The following SCFD2 variants were observed in gnomAD, a reference collection of about 807,000 sequenced individuals.
SCFD2 encodes the protein sec1 family domain-containing protein 2.
SCFD2 carries 54 observed loss-of-function variants against 58.9 expected under a neutral mutation model. The observed-to-expected ratio is 0.92, with a 90% CI of 0.74 to 1.15. SCFD2 has a LOEUF of 1.15. SCFD2 is among the 50% of genes most tolerant of loss of function. SCFD2 has a pLI of 0.00. For synonymous variants in SCFD2, 321 were observed against 335.9 expected, an observed-to-expected ratio of 0.96 and a Z score of 0.49; for missense variants, 805 against 836.6, an observed-to-expected ratio of 0.96 and a Z score of 0.47.
chr4:53,223,047 A>G (rs1222497494), intron 4 of SCFD2, among the ~76,000 whole-genome samples: 1 of 152,212 alleles, frequency 6.6e-6, no homozygotes, highest in Non-Finnish European at 1.5e-5. Flanking sequence ...AATGGAGCTA[A>G]TAAGCTCAAC....
intron 5 of SCFD2, among the ~76,000 whole-genome samples, chr4:53,126,800 G>C (rs1328609154): frequency 6.6e-6 from 1 of 152,108 alleles, no homozygotes; most frequent in Non-Finnish European, 1.5e-5. Flanking sequence ...TCGGCAGAGA[G>C]CTCTCCTCTT....
chr4:53,311,322 C>A (rs1329549335), intron 3 of SCFD2, among the ~76,000 whole-genome samples: 2 of 152,054 alleles, frequency 1.3e-5, no homozygotes, highest in Admixed American at 6.6e-5. Context: ...CTCACCCCAG[C>A]CCCTATCTAG....
At chr4:53,218,575 C>G (rs550083404) in intron 4 of SCFD2, among the ~76,000 whole-genome samples, 2 of 152,260 alleles carry the variant, frequency 1.3e-5, no homozygotes, top group Admixed American at 1.3e-4. Flanking sequence ...AGCTTCTTTG[C>G]GATGGGTTTG....
chr4:52,878,583 CACCCTAAAATTCTAAAAAGTGG>C (rs1230575264), intron 8 of SCFD2, among the ~76,000 whole-genome samples: 4 of 152,124 alleles, frequency 2.6e-5, no homozygotes, highest in African/African-American at 9.7e-5. Flanking sequence ...TGGCTAAGAT[CACCCTAAAATTCTAAAAAGTGG>C]GCCCTAAACA....
chr4:53,214,159 G>T (rs932729999), intron 4 of SCFD2, among the ~76,000 whole-genome samples: 13 of 152,040 alleles, frequency 8.6e-5, no homozygotes, highest in Admixed American at 8.5e-4. Context: ...ATACTCCTTT[G>T]GGTATATACC....
At chr4:52,963,354 C>G (rs1215789327) in intron 5 of SCFD2, among the ~76,000 whole-genome samples, 1 of 152,196 alleles carries the variant, frequency 6.6e-6, no homozygotes, top group East Asian at 1.9e-4. Flanking sequence ...GTCACTCACC[C>G]TACTGCTTTA....
At chr4:53,066,038 C>T (rs975131785) in intron 5 of SCFD2, among the ~76,000 whole-genome samples, 3 of 152,022 alleles carry the variant, frequency 2.0e-5, no homozygotes, top group African/African-American at 4.8e-5. Context: ...TCTGGAACTA[C>T]GCTTTGAAGT....
chr4:53,355,846 T>C (rs932253476), intron 1 of SCFD2, among the ~76,000 whole-genome samples: 79 of 152,202 alleles, frequency 5.2e-4, no homozygotes, highest in Non-Finnish European at 2.9e-5. Flanking sequence ...TTATATGTTC[T>C]ATCATTAGGT....
At chr4:53,216,953 G>C (rs1411758398) in intron 4 of SCFD2, among the ~76,000 whole-genome samples, 1 of 152,228 alleles carries the variant, frequency 6.6e-6, no homozygotes, top group Non-Finnish European at 1.5e-5. Flanking sequence ...TAGCTGAGCG[G>C]TTTTGAGTGA....
intron 4 of SCFD2, among the ~76,000 whole-genome samples, chr4:53,211,248 A>C (rs1728601228): frequency 6.6e-6 from 1 of 151,704 alleles, no homozygotes; most frequent in African/African-American, 2.4e-5. Context: ...TGTGAAAAAA[A>C]AAAAAAAATC....
intron 5 of SCFD2, among the ~76,000 whole-genome samples, chr4:53,025,710 A>G (rs1166944036): frequency 6.6e-6 from 1 of 152,200 alleles, no homozygotes; most frequent in African/African-American, 2.4e-5. Context: ...TGCGGGAAAA[A>G]CTACCACATT....
chr4:52,889,197 C>G (rs1326912225), intron 7 of SCFD2, among the ~76,000 whole-genome samples: 6 of 152,180 alleles, frequency 3.9e-5, no homozygotes, highest in Non-Finnish European at 8.8e-5. Context: ...TGGCCATACC[C>G]CATCCATTCT....
chr4:53,096,594 T>A (rs908366042), intron 5 of SCFD2, among the ~76,000 whole-genome samples: 11 of 152,162 alleles, frequency 7.2e-5, no homozygotes, highest in African/African-American at 1.9e-4. Flanking sequence ...GTTTGAGTTC[T>A]TTGTAGATTC....
At chr4:52,893,828 TCA>T (rs1246708182) in intron 7 of SCFD2, among the ~76,000 whole-genome samples, 3 of 152,248 alleles carry the variant, frequency 2.0e-5, no homozygotes, top group Admixed American at 6.5e-5. Flanking sequence ...AGAATGGGTC[TCA>T]CAGAACTGCC....
At chr4:53,218,705 G>T (rs1241289003) in intron 4 of SCFD2, among the ~76,000 whole-genome samples, 1 of 152,174 alleles carries the variant, frequency 6.6e-6, no homozygotes, top group Admixed American at 6.5e-5. Flanking sequence ...TCCTTTGGAG[G>T]GGGAGAGGCG....
At chr4:53,000,761 T>C (rs1036089039) in intron 5 of SCFD2, among the ~76,000 whole-genome samples, 8 of 152,226 alleles carry the variant, frequency 5.3e-5, no homozygotes, top group African/African-American at 1.9e-4. Context: ...GCACTTGTTG[T>C]TGAGGACCTG....
chr4:52,933,182 A>T (rs1264713066), intron 5 of SCFD2, among the ~76,000 whole-genome samples: 1 of 152,210 alleles, frequency 6.6e-6, no homozygotes, highest in African/African-American at 2.4e-5. Flanking sequence ...GATCTGGAAG[A>T]AGTAGGACAG....
At position 53,326,681 on chromosome 4, in the gene SCFD2, T is replaced by A. The variant is rs184753047; in HGVS notation, c.1008-12918A>T. Among the ~76,000 whole-genome samples the A allele has an allele frequency of 3.9e-5, 6 of 152,250 alleles. No individual in the cohort carries two copies. In the East Asian group the frequency reaches 1.2e-3, roughly 29 times the overall value. On this transcript the variant is annotated intron_variant, in intron 2 of 8. Coordinates refer to ENST00000401642, the MANE Select transcript of SCFD2 (RefSeq NM_152540.4). ...CTCATTCCTAGAAGATATGCAGTCT[T>A]GCTATCAGTTTTGTCAAGTACCAAG...
At chr4:53,170,733 T>C (rs1275855106) in intron 4 of SCFD2, among the ~76,000 whole-genome samples, 1 of 152,204 alleles carries the variant, frequency 6.6e-6, no homozygotes, top group African/African-American at 2.4e-5. Flanking sequence ...TTCTTTTCAG[T>C]GAATAGATCT....
Sources: gnomAD v4.1 joint callset for allele counts (sites outside exome capture counted in the v4.1 genomes callset) on GRCh38, gnomAD v4.1.1 for gene constraint, MANE v1.5 for transcripts, NCBI Gene and HGNC (gene_info 2026-07-23, HGNC 2026-07-21) for gene names.